CDK19: variants seen among roughly 807,000 people sequenced by gnomAD.
CDK19 encodes cyclin-dependent kinase 19.
Under a neutral mutation model 68.3 loss-of-function variants are expected in CDK19, and 20 were observed. The observed-to-expected ratio is 0.29, with a 90% confidence interval of 0.21 to 0.43. CDK19 has a LOEUF of 0.43. Ranked by LOEUF, CDK19 falls within the 20% of genes least tolerant of loss-of-function variation. The pLI, the probability that CDK19 is intolerant of heterozygous loss-of-function variation, is 1.00. For missense variants in CDK19, 339 were observed against 623.5 expected (o/e 0.54, Z 4.86); for synonymous variants, 221 against 222.8 (o/e 0.99, Z 0.07).
chr6:110,747,465 T>C (rs1043550072), intron 1 of CDK19, among the ~76,000 whole-genome samples: 27 of 152,182 alleles, frequency 1.8e-4, no homozygotes, highest in African/African-American at 6.3e-4. Flanking sequence ...TTTTAAATGA[T>C]GGCTAGAAGG....
At chr6:110,675,401 G>A (rs1771421815) in intron 2 of CDK19, among the ~76,000 whole-genome samples, 1 of 152,158 alleles carries the variant, frequency 6.6e-6, no homozygotes, top group Admixed American at 6.5e-5. Flanking sequence ...GCCGAGGCAG[G>A]TGAATCACCT....
intron 1 of CDK19, among the ~76,000 whole-genome samples, chr6:110,772,707 ATAAAG>A (rs1158400714): frequency 6.6e-6 from 1 of 152,142 alleles, no homozygotes. Flanking sequence ...AGCCTGGGCA[ATAAAG>A]CAAGACCCTG....
At chr6:110,671,414 G>T (rs929592280) in intron 2 of CDK19, among the ~76,000 whole-genome samples, 4 of 152,084 alleles carry the variant, frequency 2.6e-5, no homozygotes, top group African/African-American at 9.7e-5. Context: ...TAAATATTTT[G>T]AATACCTTTT....
At chr6:110,782,265 A>T (rs1421239980) in intron 1 of CDK19, among the ~76,000 whole-genome samples, 1 of 152,202 alleles carries the variant, frequency 6.6e-6, no homozygotes, top group African/African-American at 2.4e-5. Flanking sequence ...TGCTCAAATG[A>T]TGTCACAGTT....
intron 4 of CDK19, among the ~76,000 whole-genome samples, chr6:110,638,961 G>A (rs1485759718): frequency 1.3e-5 from 2 of 152,078 alleles, no homozygotes; most frequent in East Asian, 3.8e-4. Flanking sequence ...AGCAATTAAA[G>A]CTATCATTTC....
chr6:110,804,297 T>C (rs1366742908), intron 1 of CDK19, among the ~76,000 whole-genome samples: 1 of 152,174 alleles, frequency 6.6e-6, no homozygotes, highest in Non-Finnish European at 1.5e-5. Context: ...AAGAAGAGTG[T>C]ATTTTTCCTT....
At chr6:110,629,971 T>C (rs1779339848) in intron 6 of CDK19, among the ~76,000 whole-genome samples, 1 of 152,218 alleles carries the variant, frequency 6.6e-6, no homozygotes, top group Admixed American at 6.5e-5. Flanking sequence ...TATAATTGGT[T>C]TTCAACTCAT....
Position 110,670,420 on chromosome 6 carries a change from A to C in CDK19, c.315+11T>G. ...AAAACAATCCTAGAAATACAGTGAG[A>C]TTATACTTACCCACAAGTCATGCTC... is the stretch of plus-strand genomic sequence containing the variant. On this transcript the variant is annotated intron_variant, in intron 3 of 12. Transcript: ENST00000368911. 1 of 1,457,484 alleles carries C rather than the reference A, an allele frequency of 6.9e-7. No homozygotes were observed. The allele number at this position is 1,457,484 out of a possible 1,614,324, so 90.3% of individuals were successfully genotyped here.
intron 1 of CDK19, among the ~76,000 whole-genome samples, chr6:110,760,170 C>A (rs1055490519): frequency 6.6e-6 from 1 of 151,898 alleles, no homozygotes; most frequent in Non-Finnish European, 1.5e-5. Context: ...CCGAGGCAGG[C>A]AGATCACTTG....
intron 1 of CDK19, among the ~76,000 whole-genome samples, chr6:110,799,219 CAT>C (rs1782179680): frequency 1.5e-5 from 2 of 131,526 alleles, no homozygotes; most frequent in East Asian, 2.6e-4. Flanking sequence ...AAAAACCACA[CAT>C]AGAATACAAA....
intron 4 of CDK19, among the ~76,000 whole-genome samples, chr6:110,653,967 ACT>A (rs1781141010): frequency 6.6e-6 from 1 of 152,178 alleles, no homozygotes; most frequent in South Asian, 2.1e-4. Flanking sequence ...AAAATATGAA[ACT>A]CATAATATGA....
At chr6:110,641,646 A>AAGAAAGG (rs1780186278) in intron 4 of CDK19, among the ~76,000 whole-genome samples, 7 of 131,416 alleles carry the variant, frequency 5.3e-5, no homozygotes, top group African/African-American at 2.1e-4. Context: ...AAAGGGAAAG[A>AAGAAAGG]AAGGAAGGAA....
At chr6:110,803,698 G>A (rs1782484089) in intron 1 of CDK19, among the ~76,000 whole-genome samples, 1 of 152,230 alleles carries the variant, frequency 6.6e-6, no homozygotes. Context: ...GGGTGCAGTG[G>A]CTTACACTTG....
rs571827401 is a variant in CDK19, at chr6:110,622,967, C to T, written c.934-55G>A. 232 of 1,073,908 alleles carry T rather than the reference C, an allele frequency of 2.2e-4. 1 individual carries two copies. In the African/African-American group the frequency reaches 3.3e-3, roughly 15 times the overall value. 66.5% of individuals were successfully genotyped at this position (1,073,908 alleles called of 1,614,324 possible). Reference sequence around the variant, plus strand: ...CATGAAAAGGTTATTTACAAGTCAACACCTTGTCTTTTGTATTACTGTGTA... The same window carrying T: ...CATGAAAAGGTTATTTACAAGTCAATACCTTGTCTTTTGTATTACTGTGTA... On this transcript the variant is annotated intron_variant, in intron 9 of 12. Coordinates refer to ENST00000368911, the MANE Select transcript of CDK19 (RefSeq NM_015076.5).
chr6:110,616,207 C>A (rs562212589), intron 12 of CDK19, among the ~76,000 whole-genome samples: 1 of 152,118 alleles, frequency 6.6e-6, no homozygotes, highest in Non-Finnish European at 1.5e-5. Flanking sequence ...AAGAACCTGT[C>A]GGGCGGTTAC....
chr6:110,804,999 G>A (rs1211497630), intron 1 of CDK19, among the ~76,000 whole-genome samples: 2 of 151,726 alleles, frequency 1.3e-5, no homozygotes, highest in Admixed American at 1.3e-4. Flanking sequence ...GACTTTACAG[G>A]TTTTTATTTC....
rs149781625 is a variant in CDK19, at chr6:110,614,634, G to A, written c.1410C>T (p.Ser470=). The change falls in exon 13 of 13, where the codon AGC becomes AGT. Residue 470 remains serine, a synonymous_variant. Transcript: ENST00000368911. Reference sequence around the variant, plus strand: ...TCTGGGACTGAGAGGATCCCTGAACGCTGCTTTGGTAATTCAGGCGAGAAC... The same window carrying A: ...TCTGGGACTGAGAGGATCCCTGAACACTGCTTTGGTAATTCAGGCGAGAAC... ...HSSSRLNYQS[S]VQGSSQSQST... is the part of the protein sequence containing the mutation. 3.9e-3 allele frequency: 6,283 copies of A among 1,613,850 alleles called. 49 individuals are homozygous for A. The highest frequency in any genetic ancestry group is 0.015 in the South Asian group (1,401 of 91,062).
intron 2 of CDK19, chr6:110,670,864 A>G (rs1221373812): frequency 2.3e-6 from 1 of 437,112 alleles, no homozygotes; most frequent in African/African-American, 2.1e-5. Flanking sequence ...AGCAAACAAA[A>G]GTAATATCAT....
At chr6:110,720,302 C>A (rs1411204011) in intron 2 of CDK19, among the ~76,000 whole-genome samples, 2 of 152,144 alleles carry the variant, frequency 1.3e-5, no homozygotes, top group Non-Finnish European at 2.9e-5. Flanking sequence ...TTAGACAAGA[C>A]TTCTTTCACG....
Sources: gnomAD v4.1 joint callset for allele counts (sites outside exome capture counted in the v4.1 genomes callset) on GRCh38, gnomAD v4.1.1 for gene constraint, MANE v1.5 for transcripts, NCBI Gene and HGNC (gene_info 2026-07-23, HGNC 2026-07-21) for gene names.